The following RNF214 variants were observed in gnomAD, a reference collection of about 807,000 sequenced individuals.
The protein encoded by RNF214 is ring finger protein 214.
In RNF214, 25 loss-of-function variants were observed where a neutral mutation model predicts 75.9. That is an observed-to-expected ratio of 0.33 (90% CI 0.24 to 0.46). The LOEUF (loss-of-function observed/expected upper bound fraction) is 0.46, where lower values mean the gene tolerates loss of function less well. Ranked by LOEUF, RNF214 falls within the 20% of genes least tolerant of loss-of-function variation. The pLI, the probability that RNF214 is intolerant of heterozygous loss-of-function variation, is 1.00. For missense variants in RNF214, 725 were observed against 857.5 expected (o/e 0.85, Z 1.93); for synonymous variants, 314 against 308.8 (o/e 1.02, Z -0.18).
intron 6 of RNF214, among the ~76,000 whole-genome samples, chr11:117,272,751 G>A (rs1464273049): frequency 6.6e-6 from 1 of 152,036 alleles, no homozygotes; most frequent in East Asian, 1.9e-4. Flanking sequence ...AAAGGTTGTT[G>A]TAAAGGGTAG....
At chr11:117,236,461 G>A (rs963745014) in intron 2 of RNF214, among the ~76,000 whole-genome samples, 2 of 151,766 alleles carry the variant, frequency 1.3e-5, no homozygotes, top group African/African-American at 2.4e-5. Context: ...TTTAGTAGAG[G>A]CAGAGTTTCA....
At chr11:117,248,685 T>G (rs950871215) in intron 6 of RNF214, among the ~76,000 whole-genome samples, 5 of 152,088 alleles carry the variant, frequency 3.3e-5, no homozygotes, top group Admixed American at 6.5e-5. Flanking sequence ...TAATGATAAT[T>G]TTCCAGAAAT....
chr11:117,249,932 C>T (rs2033327055), intron 6 of RNF214, among the ~76,000 whole-genome samples: 1 of 152,188 alleles, frequency 6.6e-6, no homozygotes, highest in Admixed American at 6.5e-5. Context: ...GGGCACAATT[C>T]AGTCCATAAC....
chr11:117,266,151 T>G (rs1285892885), intron 6 of RNF214, among the ~76,000 whole-genome samples: 2 of 152,210 alleles, frequency 1.3e-5, no homozygotes, highest in African/African-American at 4.8e-5. Flanking sequence ...TGAGAAGTCA[T>G]GGACAATTCA....
At position 117,246,893 on chromosome 11, in the gene RNF214, C is replaced by G. The variant is rs1269017654; in HGVS notation, c.904C>G (p.Gln302Glu). ...AGAGAAAGAGAAGAAGGAGTTTTTG[C>G]AGAAGGAGCAGGATCTGAAAGCTGA... Reference protein sequence around the residue: ...KIEKEKKEFLQKEQDLKAEIE... With the variant: ...KIEKEKKEFLEKEQDLKAEIE... The change falls in exon 6 of 15, where the codon CAG becomes GAG. Residue 302 changes from glutamine to glutamate, a missense_variant. Physicochemically the swap from Gln to Glu is conservative, Grantham distance 29 (BLOSUM62 2). Coordinates refer to ENST00000300650, the MANE Select transcript of RNF214 (RefSeq NM_207343.4). 6.2e-7 allele frequency: 1 copy of G among 1,612,568 alleles called. No individual in the cohort carries two copies. Among genetic ancestry groups the G allele is most frequent in the Non-Finnish European group, 8.5e-7 (1 of 1,179,332 alleles).
At chr11:117,266,223 A>G (rs980340967) in intron 6 of RNF214, among the ~76,000 whole-genome samples, 8 of 151,600 alleles carry the variant, frequency 5.3e-5, no homozygotes, top group South Asian at 2.1e-4. Flanking sequence ...AAGATTTTCC[A>G]CTTATCTTTA....
In RNF214 at chr11:117,248,352, A is replaced by G. The variant is rs1408339707; in HGVS notation, c.959+1404A>G. ...CGGCCTCCCAAAGTGCTGGGATTAC[A>G]GGCATGAGCCACCGCGCCCAGCCAA... On this transcript the variant is annotated intron_variant, in intron 6 of 14. Transcript: ENST00000300650. 3.9e-5 allele frequency among the ~76,000 whole-genome samples: 6 copies of G among 152,256 alleles called. No individual in the cohort carries two copies. In the East Asian group the frequency reaches 9.6e-4, roughly 24 times the overall value.
At chr11:117,246,335 G>A (rs1470923562) in intron 5 of RNF214, among the ~76,000 whole-genome samples, 1 of 151,604 alleles carries the variant, frequency 6.6e-6, no homozygotes, top group Non-Finnish European at 1.5e-5. Flanking sequence ...GTATATGTGT[G>A]TGTGTATATA....
At chr11:117,264,714 A>G (rs2033755608) in intron 6 of RNF214, among the ~76,000 whole-genome samples, 1 of 152,042 alleles carries the variant, frequency 6.6e-6, no homozygotes, top group African/African-American at 2.4e-5. Context: ...TACATGGTAT[A>G]TGTTTTTCAA....
At position 117,272,730 on chromosome 11, in the gene RNF214, A is replaced by G. The variant is rs952348764; in HGVS notation, c.960-7178A>G. ...TCTCATATGGATCATGAATATGGAT[A>G]TTGAGTTCACAAAGGTTGTTGTAAA... On this transcript the variant is annotated intron_variant, in intron 6 of 14. Transcript: ENST00000300650. Among the ~76,000 whole-genome samples, 3 of 152,092 alleles carry G rather than the reference A, an allele frequency of 2.0e-5. No individual in the cohort carries two copies. The East Asian group carries it at 5.8e-4, about 29-fold the overall frequency.
intron 4 of RNF214, among the ~76,000 whole-genome samples, chr11:117,241,203 A>C (rs958381925): frequency 3.3e-5 from 5 of 151,388 alleles, no homozygotes; most frequent in African/African-American, 9.7e-5. Context: ...ACAACAAAAA[A>C]ACAAAAATTA....
chr11:117,265,453 G>T (rs368140711), intron 6 of RNF214, among the ~76,000 whole-genome samples: 11 of 151,502 alleles, frequency 7.3e-5, no homozygotes, highest in African/African-American at 2.2e-4. Flanking sequence ...CATTCTTGTT[G>T]CCCAGGCTGG....
At position 117,238,870 on chromosome 11, in the gene RNF214, A is replaced by AG; in HGVS notation, c.378dup (p.Ser127GlufsTer10). ...GAGGAGGGGGACACAAGCCTTCGGG[A>AG]GAGCCTCCATCCAGTCACTCGGTCT... On this transcript the variant is annotated frameshift_variant, in exon 3 of 15. Transcript: ENST00000300650. LOFTEE classifies it high-confidence loss of function. 1 of 1,614,206 alleles carries AG rather than the reference A, an allele frequency of 6.2e-7. No homozygotes were observed. The highest frequency in any genetic ancestry group is 8.5e-7 in the Non-Finnish European group (1 of 1,180,036).
intron 6 of RNF214, among the ~76,000 whole-genome samples, chr11:117,273,401 C>T (rs928652576): frequency 4.1e-4 from 62 of 151,762 alleles, no homozygotes; most frequent in African/African-American, 1.3e-3. Context: ...TCCTGGCAAG[C>T]TGTGAAGTTT....
At chr11:117,279,151 T>C (rs1229879047) in intron 6 of RNF214, among the ~76,000 whole-genome samples, 1 of 152,164 alleles carries the variant, frequency 6.6e-6, no homozygotes, top group Non-Finnish European at 1.5e-5. Flanking sequence ...GCATTCATTC[T>C]TCAGGACCCA....
chr11:117,284,989 T>TAG, intron 14 of RNF214, 97 bp from the exon 15 acceptor site: 1 of 871,714 alleles, frequency 1.1e-6, no homozygotes, highest in South Asian at 1.5e-5. Context: ...TGTAAGAACT[T>TAG]TTCTGACTTA....
At chr11:117,241,132 A>T (rs2033067491) in intron 4 of RNF214, among the ~76,000 whole-genome samples, 3 of 152,080 alleles carry the variant, frequency 2.0e-5, no homozygotes, top group Admixed American at 2.0e-4. Flanking sequence ...GTGACCCGAG[A>T]TCGTACCACT....
chr11:117,251,191 C>A lies in RNF214; in HGVS notation c.959+4243C>A, dbSNP rs1465827948. On this transcript the variant is annotated intron_variant, in intron 6 of 14. Coordinates refer to ENST00000300650, the MANE Select transcript of RNF214 (RefSeq NM_207343.4). ...GCTCCTCACTTCCCAGTAGGGGCGG[C>A]CGGGCAGAGGCGCCCCGCACCTCCC... Among the ~76,000 whole-genome samples the A allele has an allele frequency of 9.2e-3, 1,307 of 142,346 alleles. 8 individuals carry two copies. The highest frequency in any genetic ancestry group is 0.017 in the Admixed American group (240 of 14,126). 93.4% of individuals were successfully genotyped at this position (142,346 alleles called of 152,430 possible).
intron 1 of RNF214, 96 bp from the exon 2 acceptor site, chr11:117,234,171 C>G (rs2032832817): frequency 5.8e-6 from 5 of 863,286 alleles, no homozygotes; most frequent in African/African-American, 1.7e-5. Context: ...TTCTTTACTG[C>G]GACAGCTCTG....
Sources: allele counts gnomAD v4.1 joint callset (sites outside exome capture counted in the v4.1 genomes callset), GRCh38; gene constraint gnomAD v4.1.1; transcripts MANE v1.5; gene names NCBI Gene and HGNC (gene_info 2026-07-23, HGNC 2026-07-21).